Variants in FAM81B observed in about 807,000 individuals in gnomAD.
FAM81B encodes the protein family with sequence similarity 81 member B, also known as protein FAM81B.
A neutral mutation model predicts 58.7 loss-of-function variants in FAM81B; 60 were observed. That is an observed-to-expected ratio of 1.02 (90% CI 0.83 to 1.27). The LOEUF (loss-of-function observed/expected upper bound fraction) is 1.27. Ranked by LOEUF, FAM81B falls within the 50% of genes most tolerant of loss-of-function variation. FAM81B has a pLI of 0.00. For synonymous variants in FAM81B, 189 were observed against 179.6 expected, an observed-to-expected ratio of 1.05 and a Z score of -0.42; for missense variants, 491 against 522.0, an observed-to-expected ratio of 0.94 and a Z score of 0.58.
chr5:95,405,921 A>G (rs1407721360), intron 3 of FAM81B, among the ~76,000 whole-genome samples: 1 of 152,194 alleles, frequency 6.6e-6, no homozygotes, highest in African/African-American at 2.4e-5. Context: ...AACTCCCCAA[A>G]GTCAATTGTT....
chr5:95,439,854 A>G (rs753736175), intron 7 of FAM81B, among the ~76,000 whole-genome samples: 6 of 152,190 alleles, frequency 3.9e-5, no homozygotes, highest in Non-Finnish European at 7.3e-5. Flanking sequence ...TGTTTTAATA[A>G]CATTAAAGGT....
chr5:95,431,134 A>G (rs931233313), intron 6 of FAM81B, among the ~76,000 whole-genome samples: 4 of 152,052 alleles, frequency 2.6e-5, no homozygotes, highest in African/African-American at 9.7e-5. Flanking sequence ...CCAGTTTGTC[A>G]TAGGTCTTTG....
chr5:95,446,564 T>C lies in FAM81B; in HGVS notation c.896T>C (p.Phe299Ser). The C allele has an allele frequency of 6.3e-7, 1 of 1,578,210 alleles. No individual in the cohort carries two copies. The highest frequency in any genetic ancestry group is 8.6e-7 in the Non-Finnish European group (1 of 1,168,042). ...AAACAAAACATTTTTTCCCATAGAT[T>C]TCATTCACTTTCAAGTAATCTGTAC... ...RHEMNLLEFK[F>S]HSLSSNLYEE... Residue 299 changes from phenylalanine to serine, a missense_variant and splice_region_variant, in exon 8 of 10, where the codon TTT (phenylalanine) becomes TCT (serine). Transcript: ENST00000283357.
intron 3 of FAM81B, among the ~76,000 whole-genome samples, chr5:95,401,242 A>G (rs1007484646): frequency 6.6e-6 from 1 of 152,156 alleles, no homozygotes; most frequent in African/African-American, 2.4e-5. Flanking sequence ...GAAAAGAATC[A>G]CAACCAGTTC....
chr5:95,444,051 A>G (rs1323357800), intron 7 of FAM81B, among the ~76,000 whole-genome samples: 1 of 152,190 alleles, frequency 6.6e-6, no homozygotes, highest in Non-Finnish European at 1.5e-5. Context: ...CCCCTTAACT[A>G]TGACTATTAA....
At chr5:95,445,653 C>G (rs1459432730) in intron 7 of FAM81B, among the ~76,000 whole-genome samples, 1 of 152,028 alleles carries the variant, frequency 6.6e-6, no homozygotes, top group Non-Finnish European at 1.5e-5. Context: ...TCTGCTTTTG[C>G]CCCACATGAG....
chr5:95,397,862 C>CT (rs1294034246), intron 3 of FAM81B, among the ~76,000 whole-genome samples: 1 of 152,160 alleles, frequency 6.6e-6, no homozygotes, highest in African/African-American at 2.4e-5. Context: ...TGCAAACTCC[C>CT]TAAAGGAAGG....
intron 5 of FAM81B, chr5:95,424,127 A>T (rs1762761364): frequency 6.2e-6 from 8 of 1,289,832 alleles, no homozygotes; most frequent in Non-Finnish European, 8.1e-6. Context: ...GAGATTTGAT[A>T]CTGCAAGCCT....
chr5:95,422,770 C>T (rs966854533), intron 5 of FAM81B, among the ~76,000 whole-genome samples: 51 of 152,088 alleles, frequency 3.4e-4, no homozygotes, highest in African/African-American at 1.2e-3. Flanking sequence ...TTTTGTAAAC[C>T]CTGTTTTATT....
chr5:95,416,799 TG>T (rs1040357359), intron 4 of FAM81B, among the ~76,000 whole-genome samples: 1 of 152,144 alleles, frequency 6.6e-6, no homozygotes, highest in African/African-American at 2.4e-5. Flanking sequence ...AATATCACTT[TG>T]GGGGGCTGAG....
At chr5:95,430,106 G>A (rs1744811394) in intron 6 of FAM81B, among the ~76,000 whole-genome samples, 2 of 151,890 alleles carry the variant, frequency 1.3e-5, no homozygotes, top group Non-Finnish European at 2.9e-5. Flanking sequence ...ATTTAATTTG[G>A]CATCAGGATT....
chr5:95,426,758 C>T (rs1184653708), intron 5 of FAM81B, among the ~76,000 whole-genome samples: 2 of 152,120 alleles, frequency 1.3e-5, no homozygotes, highest in Non-Finnish European at 2.9e-5. Flanking sequence ...CATTAAGAAG[C>T]TTGTCCCAGG....
In FAM81B at chr5:95,435,051, A is replaced by C. The variant is rs576223951; in HGVS notation, c.787-1749A>C. Among the ~76,000 whole-genome samples the C allele has an allele frequency of 5.9e-5, 9 of 152,352 alleles. No homozygotes were observed. The East Asian group carries it at 1.7e-3, about 29-fold the overall frequency. On this transcript the variant is annotated intron_variant, in intron 6 of 9. Coordinates refer to ENST00000283357, the MANE Select transcript of FAM81B (RefSeq NM_152548.3). Reference sequence around the variant, plus strand: ...GGCTTTAGGATTGCAGTGCCATTCTAAGATTATTTCAGTGAGTTCCTTTGT... The same window carrying C: ...GGCTTTAGGATTGCAGTGCCATTCTCAGATTATTTCAGTGAGTTCCTTTGT...
Position 95,426,998 on chromosome 5 carries a change from G to A in FAM81B, c.657-1605G>A, listed in dbSNP as rs575340560. ...TGGGAGGCGGAGCTTGCAGTGAGCC[G>A]AGATTGTGCCACTGCACTCCAGCCT... On this transcript the variant is annotated intron_variant, in intron 5 of 9. Transcript: ENST00000283357. Among the ~76,000 whole-genome samples the A allele has an allele frequency of 7.9e-5, 12 of 152,198 alleles. No homozygotes were observed. The South Asian group carries it at 1.7e-3, about 21-fold the overall frequency.
intron 3 of FAM81B, among the ~76,000 whole-genome samples, chr5:95,410,132 G>A (rs1056299255): frequency 6.6e-6 from 1 of 152,138 alleles, no homozygotes; most frequent in Non-Finnish European, 1.5e-5. Context: ...GGACGGGTGG[G>A]GACAAACTCA....
rs1234919469 is a variant in FAM81B, at chr5:95,436,849, C to T, written c.836C>T (p.Ser279Leu). 5.6e-6 allele frequency: 9 copies of T among 1,613,856 alleles called. No homozygotes were observed. The highest frequency in any genetic ancestry group is 3.3e-5 in the Admixed American group (2 of 59,994). The change falls in exon 7 of 10, where the codon TCG becomes TTG. Residue 279 changes from serine (S) to leucine (L), a missense_variant. Transcript: ENST00000283357. ...GAAACTGCCAGTTCTGAGCAAACCTCGAATTTAAAGATGGTCCAGGGGGAT... is the reference window on the plus strand; with the variant it reads ...GAAACTGCCAGTTCTGAGCAAACCTTGAATTTAAAGATGGTCCAGGGGGAT... The part of the protein sequence containing the change: ...KIETASSEQT[S>L]NLKMVQGDYR...
At chr5:95,416,249 G>T (rs910075001) in intron 4 of FAM81B, among the ~76,000 whole-genome samples, 2 of 152,154 alleles carry the variant, frequency 1.3e-5, no homozygotes, top group African/African-American at 4.8e-5. Context: ...TCATTAACCA[G>T]GTCAGCCCAT....
intron 3 of FAM81B, among the ~76,000 whole-genome samples, chr5:95,403,951 G>T (rs1218896700): frequency 6.6e-6 from 1 of 152,118 alleles, no homozygotes; most frequent in Non-Finnish European, 1.5e-5. Context: ...CAGAAGTTGG[G>T]GGTGGCTGTT....
chr5:95,436,683 T>A (rs546403919), intron 6 of FAM81B, 117 bp from the exon 7 acceptor site: 174 of 726,466 alleles, frequency 2.4e-4, no homozygotes, highest in Non-Finnish European at 3.4e-4. Context: ...GTTTCCCAGC[T>A]CCTTAAAGGA....
Sources: allele counts gnomAD v4.1 joint callset (sites outside exome capture counted in the v4.1 genomes callset), GRCh38; gene constraint gnomAD v4.1.1; transcripts MANE v1.5; gene names NCBI Gene and HGNC (gene_info 2026-07-23, HGNC 2026-07-21).